HEATR4: variants seen among roughly 807,000 people sequenced by gnomAD.
HEATR4 encodes HEAT repeat-containing protein 4.
In HEATR4, 95 loss-of-function variants were observed where a neutral mutation model predicts 108.8. The observed-to-expected ratio is 0.87, with a 90% CI of 0.74 to 1.04. The LOEUF is 1.04. HEATR4 is among the 50% of genes least tolerant of loss of function. The probability of loss-of-function intolerance (pLI) is 0.00; values close to 1 mark genes in which losing one functional copy is unlikely to be tolerated. For synonymous variants in HEATR4, 443 were observed against 459.4 expected, an observed-to-expected ratio of 0.96 and a Z score of 0.46; for missense variants, 1,152 against 1,253.8, an observed-to-expected ratio of 0.92 and a Z score of 1.23.
chr14:73,619,170 A>G, the HEATR4 span: 13 of 1,500,112 alleles, frequency 8.7e-6, no homozygotes, highest in Non-Finnish European at 1.2e-5. Flanking sequence ...AGAATGTAAA[A>G]TCACTGTCTG....
At position 73,520,949 on chromosome 14, in the gene HEATR4, GGA is replaced by G; in HGVS notation, c.970_971del (p.Ser324ProfsTer27). 1 of 1,613,972 alleles carries G rather than the reference GGA, an allele frequency of 6.2e-7. No individual in the cohort carries two copies. Among genetic ancestry groups the G allele is most frequent in the Non-Finnish European group, 8.5e-7 (1 of 1,180,012 alleles). Reference sequence around the variant, plus strand: ...GAAAGTAGCTCTGGGTTTGGGGCTGGGAGAGGCTCGTCTTTTCATGGATATCC... The same window carrying G: ...GAAAGTAGCTCTGGGTTTGGGGCTGGGAGGCTCGTCTTTTCATGGATATCC... ...TEDIHEKTSL[S>X]QPQTQSYFRQ... On this transcript the variant is annotated frameshift_variant, in exon 4 of 18. Coordinates refer to ENST00000553558, the MANE Select transcript of HEATR4 (RefSeq NM_001220484.1). LOFTEE classifies it high-confidence loss of function.
At position 73,520,818 on chromosome 14, in the gene HEATR4, G is replaced by A. The variant is rs764189070; in HGVS notation, c.1069+34C>T. The A allele has an allele frequency of 1.1e-5, 17 of 1,575,608 alleles. No homozygotes were observed. The East Asian group carries it at 1.3e-4, about 12-fold the overall frequency. The stretch of plus-strand genomic sequence containing the variant: ...TTCCACCTTCCTGGCCCATGTCCCC[G>A]TGTGCCCCTACCACAGGGGCCCAGC... On this transcript the variant is annotated intron_variant, in intron 4 of 17. Coordinates refer to ENST00000553558, the MANE Select transcript of HEATR4 (RefSeq NM_001220484.1).
the HEATR4 span, chr14:73,591,606 A>T: frequency 4.3e-6 from 1 of 233,478 alleles, no homozygotes. Flanking sequence ...ATTTGGCTTG[A>T]TCTCATTGGC....
rs1888792352 is a variant in HEATR4 at position 73,534,160 on chromosome 14, T to C, written c.-151-3916A>G. ...CTTTGGGAGGCTGAAGCAGGCAGATTACAAGGTCAGGAGTTTGAGACCAGC... is the reference window on the plus strand; with the variant it reads ...CTTTGGGAGGCTGAAGCAGGCAGATCACAAGGTCAGGAGTTTGAGACCAGC... On this transcript the variant is annotated intron_variant, in intron 1 of 17. Transcript: ENST00000553558. Among the ~76,000 whole-genome samples, 2 of 111,750 alleles carry C rather than the reference T, an allele frequency of 1.8e-5. 1 individual carries two copies. Among genetic ancestry groups the C allele is most frequent in the Admixed American group, 2.0e-4 (2 of 9,768 alleles). The allele number at this position is 111,750 out of a possible 152,430, so 73.3% of individuals were successfully genotyped here.
the HEATR4 span, among the ~76,000 whole-genome samples, chr14:73,585,657 C>G: frequency 6.6e-6 from 1 of 151,692 alleles, no homozygotes; most frequent in Admixed American, 6.6e-5. Context: ...CCACTGCATT[C>G]CAGCCTGGGC....
the HEATR4 span, chr14:73,619,881 T>G: frequency 6.6e-7 from 1 of 1,515,468 alleles, no homozygotes; most frequent in South Asian, 1.3e-5. Context: ...AAAATCCTAT[T>G]CATACAACTT....
At position 73,509,321 on chromosome 14, in the gene HEATR4, G is replaced by A; in HGVS notation, c.1711C>T (p.Leu571Phe). Residue 571 changes from leucine to phenylalanine, a missense_variant, in exon 8 of 18, where the codon CTT (leucine) becomes TTT (phenylalanine). Physicochemically the swap from Leu to Phe is conservative, Grantham distance 22. Transcript: ENST00000553558. ...ACAGGGAGTTACTCACCCTTCAGAAGGGCAGTCTGCATGATGTTCCGGGCA... is the reference window on the plus strand; with the variant it reads ...ACAGGGAGTTACTCACCCTTCAGAAAGGCAGTCTGCATGATGTTCCGGGCA... ...PLARNIMQTA[L>F]LKGNSVDSWA... 2 of 1,614,090 alleles carry A rather than the reference G, an allele frequency of 1.2e-6. No homozygotes were observed. Among genetic ancestry groups the A allele is most frequent in the Non-Finnish European group, 1.7e-6 (2 of 1,180,004 alleles).
chr14:73,504,931 G>GC (rs1375359991), intron 10 of HEATR4, among the ~76,000 whole-genome samples: 1 of 152,066 alleles, frequency 6.6e-6, no homozygotes, highest in East Asian at 1.9e-4. Context: ...TTCACCGACA[G>GC]TTGGTTTGTT....
the HEATR4 span, chr14:73,595,053 A>G: frequency 2.5e-6 from 4 of 1,612,902 alleles, no homozygotes; most frequent in African/African-American, 1.3e-5. Context: ...TTCCAGGTAA[A>G]AGGCCCAGGC....
the HEATR4 span, among the ~76,000 whole-genome samples, chr14:73,590,026 G>A: frequency 2.0e-5 from 3 of 152,100 alleles, no homozygotes; most frequent in Admixed American, 6.5e-5. Context: ...CAGCAGTGCG[G>A]GCCCAAAAAC....
At chr14:73,592,372 C>T in the HEATR4 span, 2 of 1,570,114 alleles carry the variant, frequency 1.3e-6, no homozygotes, top group Middle Eastern at 1.7e-4. Flanking sequence ...CGGCGCCAGT[C>T]GGTGCGAGCG....
chr14:73,568,560 T>C, the HEATR4 span, among the ~76,000 whole-genome samples: 2 of 146,078 alleles, frequency 1.4e-5, no homozygotes, highest in African/African-American at 4.9e-5. Flanking sequence ...TGAGACCCTG[T>C]CTCTCAAAAA....
chr14:73,612,749 C>G, the HEATR4 span: 1 of 1,374,000 alleles, frequency 7.3e-7, no homozygotes, highest in Non-Finnish European at 9.3e-7. Context: ...CCGCGACGAG[C>G]TGGACCTGGA....
In HEATR4 at chr14:73,498,192, C is replaced by G. The variant is rs1886214667; in HGVS notation, c.2509G>C (p.Asp837His). Residue 837 changes from aspartate (D) to histidine (H), a missense_variant, in exon 14 of 18, where the codon GAC becomes CAC. Asp to His is a moderately conservative substitution (Grantham distance 81, BLOSUM62 -1). Coordinates refer to ENST00000553558, the MANE Select transcript of HEATR4 (RefSeq NM_001220484.1). The stretch of plus-strand genomic sequence containing the variant: ...TCGTGGTTCTCCAGGAGCAGCACGT[C>G]TAGGAAGGTGTCCCTGACCCGGTCC... ...QGDRVRDTFLDVLLLENHDAV... is the reference protein window; with the variant it reads ...QGDRVRDTFLHVLLLENHDAV... 2 of 1,613,768 alleles carry G rather than the reference C, an allele frequency of 1.2e-6. No homozygotes were observed. The highest frequency in any genetic ancestry group is 1.3e-5 in the African/African-American group (1 of 75,028).
At chr14:73,491,002 C>T (rs752965454) in intron 17 of HEATR4, 6 of 1,385,908 alleles carry the variant, frequency 4.3e-6, no homozygotes, top group East Asian at 2.9e-5. Context: ...GCGGGGAAGA[C>T]TGGTGTGGTC....
At chr14:73,616,548 T>C in the HEATR4 span, among the ~76,000 whole-genome samples, 1 of 151,870 alleles carries the variant, frequency 6.6e-6, no homozygotes, top group African/African-American at 2.4e-5. Flanking sequence ...CAAAAAAAAT[T>C]AGCCGGGTGT....
chr14:73,505,890 CTTTTT>C lies in HEATR4; in HGVS notation c.1986+572_1986+576del, dbSNP rs139879719. 4.4e-5 allele frequency among the ~76,000 whole-genome samples: 5 copies of C among 113,338 alleles called. No homozygotes were observed. In the South Asian group the frequency reaches 1.1e-3, roughly 26 times the overall value. The allele number at this position is 113,338 out of a possible 152,430, so 74.4% of individuals were successfully genotyped here. A position where few individuals can be genotyped will look rare whatever the true frequency, so the allele number is the denominator to read the frequency against. ...CAATATCAAATTACTATAAACGTTTCTTTTTTTTTTTTTTTTTTGAGATGGAGTCT... is the reference window on the plus strand; with the variant it reads ...CAATATCAAATTACTATAAACGTTTCTTTTTTTTTTTTTGAGATGGAGTCT... On this transcript the variant is annotated intron_variant, in intron 10 of 17. Coordinates refer to ENST00000553558, the MANE Select transcript of HEATR4 (RefSeq NM_001220484.1).
the HEATR4 span, among the ~76,000 whole-genome samples, chr14:73,589,770 T>C: frequency 6.6e-6 from 1 of 152,200 alleles, no homozygotes; most frequent in Non-Finnish European, 1.5e-5. Context: ...GCGGAGATGT[T>C]ACAGTTCTTA....
intron 17 of HEATR4, chr14:73,491,048 T>C (rs763287247): frequency 6.3e-7 from 1 of 1,588,646 alleles, no homozygotes; most frequent in South Asian, 1.1e-5. Flanking sequence ...TGCAGGGCCG[T>C]TGAGGCGCGG....
Sources: gnomAD v4.1 joint callset for allele counts (sites outside exome capture counted in the v4.1 genomes callset) on GRCh38, gnomAD v4.1.1 for gene constraint, MANE v1.5 for transcripts, NCBI Gene and HGNC (gene_info 2026-07-23, HGNC 2026-07-21) for gene names.